POU6F2: variants seen among roughly 807,000 people sequenced by gnomAD.
The protein encoded by POU6F2 is POU class 6 homeobox 2, also known as POU domain, class 6, transcription factor 2.
In POU6F2, 31 loss-of-function variants were observed where a neutral mutation model predicts 71.3. The ratio of observed to expected loss-of-function variants is 0.43; its 90% confidence interval spans 0.33 to 0.59. The LOEUF is 0.59. POU6F2 is among the 20% of genes least tolerant of loss of function. The pLI is 0.04. For missense variants in POU6F2, 783 were observed against 856.8 expected, an observed-to-expected ratio of 0.91 and a Z score of 1.07; for synonymous variants, 347 against 355.7, an observed-to-expected ratio of 0.98 and a Z score of 0.27.
chr7:39,189,914 G>A (rs907550317), intron 2 of POU6F2, among the ~76,000 whole-genome samples: 1 of 151,444 alleles, frequency 6.6e-6, no homozygotes, highest in Non-Finnish European at 1.5e-5. Flanking sequence ...TATGTATGTC[G>A]ACAGGGCCTC....
At chr7:39,433,463 G>A (rs1788160746) in intron 7 of POU6F2, among the ~76,000 whole-genome samples, 180 bp downstream of exon 7, 1 of 152,126 alleles carries the variant, frequency 6.6e-6, no homozygotes, top group Admixed American at 6.5e-5. Flanking sequence ...ATGAATATGG[G>A]TGATAACTAA....
At chr7:39,369,498 T>G (rs1350160517) in intron 5 of POU6F2, among the ~76,000 whole-genome samples, 1 of 151,820 alleles carries the variant, frequency 6.6e-6, no homozygotes, top group Non-Finnish European at 1.5e-5. Context: ...GTAGCTGGGA[T>G]TACAGGCACC....
At chr7:39,255,188 T>C (rs1285280705) in intron 4 of POU6F2, among the ~76,000 whole-genome samples, 1 of 152,192 alleles carries the variant, frequency 6.6e-6, no homozygotes, top group African/African-American at 2.4e-5. Context: ...TTTAAAAAAT[T>C]AATGTGGTTC....
At chr7:39,060,330 T>C (rs1051446097) in intron 1 of POU6F2, among the ~76,000 whole-genome samples, 2 of 152,124 alleles carry the variant, frequency 1.3e-5, no homozygotes, top group African/African-American at 4.8e-5. Flanking sequence ...GGCTGGGGTA[T>C]GAGAAGATAA....
At chr7:39,195,340 C>A (rs929855396) in intron 2 of POU6F2, among the ~76,000 whole-genome samples, 1 of 152,150 alleles carries the variant, frequency 6.6e-6, no homozygotes, top group Non-Finnish European at 1.5e-5. Flanking sequence ...AGTGACTGCA[C>A]CCAGAGGCTA....
intron 1 of POU6F2, among the ~76,000 whole-genome samples, chr7:39,012,202 T>C (rs1029607401): frequency 6.6e-6 from 1 of 152,148 alleles, no homozygotes; most frequent in African/African-American, 2.4e-5. Context: ...GTCCCATATT[T>C]CTTGGAGTCT....
intron 1 of POU6F2, among the ~76,000 whole-genome samples, chr7:39,005,483 C>CTTGTGTGTGTGTGTGTGTGT: frequency 8.1e-5 from 1 of 12,402 alleles, no homozygotes; most frequent in Admixed American, 9.8e-4. Context: ...AAGGGAGAAA[C>CTTGTGTGTGTGTGTGTGTGT]CTGTGTGTGT....
Position 39,464,504 on chromosome 7 carries a change from C to T in POU6F2, c.1981C>T (p.Pro661Ser). The T allele has an allele frequency of 6.2e-7, 1 of 1,613,682 alleles. No individual in the cohort carries two copies. Among genetic ancestry groups the T allele is most frequent in the Non-Finnish European group, 8.5e-7 (1 of 1,179,754 alleles). The change falls in exon 10 of 10, where the codon CCT becomes TCT. Residue 661 changes from proline (P) to serine (S), a missense_variant. Pro to Ser is a moderately conservative substitution (Grantham distance 74, BLOSUM62 -1). Coordinates refer to ENST00000518318, the MANE Select transcript of POU6F2 (RefSeq NM_001370959.1). The surrounding 1 kb of genome is among the most constrained non-coding windows in gnomAD (Gnocchi z 4.1). ...TGCCCACTTTGAGAAGAACACACAC[C>T]CTTCTGGGCAGGAAATGACCGAAAT... Reference protein sequence around the residue: ...LNAHFEKNTHPSGQEMTEIAE... With the variant: ...LNAHFEKNTHSSGQEMTEIAE...
chr7:39,103,336 G>C (rs773903117), intron 2 of POU6F2, among the ~76,000 whole-genome samples: 2 of 152,220 alleles, frequency 1.3e-5, no homozygotes, highest in African/African-American at 2.4e-5. Flanking sequence ...ACAATATGTA[G>C]ATGTGACTTT....
At position 39,451,665 on chromosome 7, in the gene POU6F2, T is replaced by A; in HGVS notation, c.1453T>A (p.Ser485Thr). Residue 485 changes from serine to threonine, a missense_variant, in exon 8 of 10, where the codon TCT becomes ACT. Coordinates refer to ENST00000518318, the MANE Select transcript of POU6F2 (RefSeq NM_001370959.1). The stretch of plus-strand genomic sequence containing the variant: ...TTCCTCTTCTTCCTCCTCATCCTCC[T>A]CTTCTTCAGCTTTGAGCGTGGGCCA... Reference protein sequence around the residue: ...QASSSSSSSSSSSALSVGQLV... With the variant: ...QASSSSSSSSTSSALSVGQLV... 6.2e-7 allele frequency: 1 copy of A among 1,609,324 alleles called. No homozygotes were observed. The highest frequency in any genetic ancestry group is 8.5e-7 in the Non-Finnish European group (1 of 1,177,832).
chr7:39,282,869 G>A (rs1169461392), intron 4 of POU6F2, among the ~76,000 whole-genome samples: 1 of 152,056 alleles, frequency 6.6e-6, no homozygotes, highest in Non-Finnish European at 1.5e-5. Flanking sequence ...GATCACTTGG[G>A]TAGTATGAAC....
At chr7:39,039,589 G>A (rs553058824) in intron 1 of POU6F2, among the ~76,000 whole-genome samples, 7 of 151,962 alleles carry the variant, frequency 4.6e-5, no homozygotes, top group Non-Finnish European at 1.0e-4. Flanking sequence ...TTATTTCAAT[G>A]GATATTGGAA....
chr7:39,017,122 G>A (rs755341327), intron 1 of POU6F2, among the ~76,000 whole-genome samples: 2 of 152,152 alleles, frequency 1.3e-5, no homozygotes, highest in South Asian at 2.1e-4. Flanking sequence ...GGCAAGAACT[G>A]TGTCCTCTTC....
chr7:39,425,870 T>C (rs1370783276), intron 6 of POU6F2, among the ~76,000 whole-genome samples: 2 of 152,180 alleles, frequency 1.3e-5, no homozygotes, highest in African/African-American at 4.8e-5. Context: ...CCTTTCAGCC[T>C]TCTCAATGGT....
chr7:39,057,211 T>C (rs932421950), intron 1 of POU6F2, among the ~76,000 whole-genome samples: 4 of 152,280 alleles, frequency 2.6e-5, no homozygotes, highest in African/African-American at 4.8e-5. Context: ...TGCTTCTGTT[T>C]CTCATTCTCC....
intron 9 of POU6F2, among the ~76,000 whole-genome samples, chr7:39,463,808 A>G (rs556892245): frequency 7.9e-5 from 12 of 152,348 alleles, no homozygotes; most frequent in African/African-American, 2.4e-4. Context: ...GTCACTTCTT[A>G]GCGTTAATTT....
intron 1 of POU6F2, among the ~76,000 whole-genome samples, chr7:39,044,720 G>T (rs1790254545): frequency 6.6e-6 from 1 of 151,928 alleles, no homozygotes; most frequent in Non-Finnish European, 1.5e-5. Context: ...TGCTGACAGA[G>T]CCCATGAATA....
At chr7:39,327,173 G>T (rs576636492) in intron 4 of POU6F2, among the ~76,000 whole-genome samples, 1 of 151,982 alleles carries the variant, frequency 6.6e-6, no homozygotes, top group East Asian at 1.9e-4. Context: ...CAGCTACTTG[G>T]GAGGCTGAGG....
chr7:39,047,595 T>G (rs779164985), intron 1 of POU6F2, among the ~76,000 whole-genome samples: 2 of 151,934 alleles, frequency 1.3e-5, no homozygotes, highest in Non-Finnish European at 2.9e-5. Flanking sequence ...GTGGTGTGTA[T>G]GTGTATATTC....
Sources: allele counts gnomAD v4.1 joint callset (sites outside exome capture counted in the v4.1 genomes callset), GRCh38; gene constraint gnomAD v4.1.1; non-coding constraint Gnocchi (gnomAD v3.1); transcripts MANE v1.5; gene names NCBI Gene and HGNC (gene_info 2026-07-23, HGNC 2026-07-21).